Variants in CDKAL1 observed in about 807,000 individuals in gnomAD.
The protein encoded by CDKAL1 is threonylcarbamoyladenosine tRNA methylthiotransferase.
In CDKAL1, 32 loss-of-function variants were observed where a neutral mutation model predicts 68.2. That is an observed-to-expected ratio of 0.47 (90% confidence interval 0.35 to 0.63). The LOEUF (loss-of-function observed/expected upper bound fraction) is 0.63. CDKAL1 is among the 30% of genes least tolerant of loss of function. The probability of loss-of-function intolerance (pLI) is 0.00; values close to 1 mark genes in which losing one functional copy is unlikely to be tolerated. For synonymous variants in CDKAL1, 234 were observed against 244.3 expected, an observed-to-expected ratio of 0.96 and a Z score of 0.39; for missense variants, 606 against 696.7, an observed-to-expected ratio of 0.87 and a Z score of 1.47.
intron 8 of CDKAL1, among the ~76,000 whole-genome samples, chr6:20,830,469 GAT>G (rs10570889): frequency 0.23 from 34,767 of 151,914 alleles, 4,311 homozygotes; most frequent in African/African-American, 0.32. Flanking sequence ...GTTTCAGAAA[GAT>G]ATTTTTTAAT....
intron 11 of CDKAL1, among the ~76,000 whole-genome samples, chr6:21,032,229 T>C (rs1440755521): frequency 6.6e-6 from 1 of 152,130 alleles, no homozygotes; most frequent in East Asian, 1.9e-4. Context: ...TTTGTATTTG[T>C]ATTGAATGTT....
At chr6:20,580,915 G>A (rs975298476) in intron 4 of CDKAL1, among the ~76,000 whole-genome samples, 2 of 151,862 alleles carry the variant, frequency 1.3e-5, no homozygotes, top group African/African-American at 4.8e-5. Flanking sequence ...TCATCCTCCT[G>A]AGTAACTGGG....
intron 4 of CDKAL1, among the ~76,000 whole-genome samples, chr6:20,640,151 T>G (rs963669520): frequency 6.6e-6 from 1 of 151,390 alleles, no homozygotes; most frequent in African/African-American, 2.4e-5. Context: ...TTGACTTGTC[T>G]TCCAGAGTTC....
chr6:20,680,505 C>T (rs963067258), intron 5 of CDKAL1, among the ~76,000 whole-genome samples: 2 of 152,114 alleles, frequency 1.3e-5, no homozygotes, highest in Admixed American at 6.5e-5. Flanking sequence ...GACAATAAAG[C>T]GCTGTTAGCA....
chr6:20,706,276 G>C (rs941393321), intron 5 of CDKAL1, among the ~76,000 whole-genome samples: 4 of 152,156 alleles, frequency 2.6e-5, no homozygotes, highest in African/African-American at 9.7e-5. Context: ...GTTTGGGGCT[G>C]GATTTTGGCT....
At chr6:20,914,067 A>G (rs1052773697) in intron 9 of CDKAL1, among the ~76,000 whole-genome samples, 1 of 152,120 alleles carries the variant, frequency 6.6e-6, no homozygotes, top group Non-Finnish European at 1.5e-5. Context: ...AGGCAGGCAG[A>G]TCACGAGGCC....
At chr6:20,797,444 T>C (rs1459310499) in intron 8 of CDKAL1, among the ~76,000 whole-genome samples, 2 of 152,244 alleles carry the variant, frequency 1.3e-5, no homozygotes, top group African/African-American at 4.8e-5. Flanking sequence ...GCAGTTTCTC[T>C]AAAAAGTTAA....
chr6:20,544,595 CAA>C (rs747920604), intron 2 of CDKAL1, among the ~76,000 whole-genome samples: 864 of 56,714 alleles, frequency 0.015, 2 homozygotes, highest in Middle Eastern at 0.041. Flanking sequence ...AACTCCGTCT[CAA>C]AAAAAAAAAA....
intron 10 of CDKAL1, among the ~76,000 whole-genome samples, chr6:20,998,113 G>A (rs1361819507): frequency 6.6e-6 from 1 of 152,172 alleles, no homozygotes; most frequent in Non-Finnish European, 1.5e-5. Flanking sequence ...CAATAGATAT[G>A]TCTAAAGCTG....
At chr6:20,998,865 AC>A (rs1316632424) in intron 10 of CDKAL1, among the ~76,000 whole-genome samples, 2 of 152,176 alleles carry the variant, frequency 1.3e-5, no homozygotes, top group African/African-American at 4.8e-5. Flanking sequence ...ATTTTAAACA[AC>A]CGCTGCTAAG....
intron 15 of CDKAL1, among the ~76,000 whole-genome samples, chr6:21,217,153 A>G (rs1370278915): frequency 6.6e-6 from 1 of 152,086 alleles, no homozygotes; most frequent in Non-Finnish European, 1.5e-5. Flanking sequence ...TTTTTAAAAT[A>G]TATTTATTGG....
intron 9 of CDKAL1, among the ~76,000 whole-genome samples, chr6:20,868,040 A>T (rs1759998703): frequency 9.8e-6 from 1 of 101,918 alleles, no homozygotes; most frequent in South Asian, 3.6e-4. Context: ...CTTTTGAGCT[A>T]CGTGTTACTT....
At chr6:20,620,994 T>A (rs1254651697) in intron 4 of CDKAL1, among the ~76,000 whole-genome samples, 1 of 152,140 alleles carries the variant, frequency 6.6e-6, no homozygotes, top group African/African-American at 2.4e-5. Context: ...TACATTTACT[T>A]GTCATGTCTC....
rs189135417 is a variant in CDKAL1, at chr6:21,019,396, C to T, written c.1055+19024C>T. Among the ~76,000 whole-genome samples, 6 of 152,230 alleles carry T rather than the reference C, an allele frequency of 3.9e-5. No individual in the cohort carries two copies. In the East Asian group the frequency reaches 9.6e-4, roughly 24 times the overall value. ...CATTTCTACAGTTGCCCATTTGTTA[C>T]GACACTGCAAATGTATCACTTTTTT... On this transcript the variant is annotated intron_variant, in intron 11 of 15. Transcript: ENST00000274695.
At chr6:20,895,052 A>T (rs1295542303) in intron 9 of CDKAL1, among the ~76,000 whole-genome samples, 1 of 152,152 alleles carries the variant, frequency 6.6e-6, no homozygotes, top group Non-Finnish European at 1.5e-5. Flanking sequence ...GCTGCCGTGA[A>T]TCTGTTGTGT....
chr6:20,959,705 C>T (rs1764960333), intron 10 of CDKAL1, among the ~76,000 whole-genome samples: 1 of 152,124 alleles, frequency 6.6e-6, no homozygotes, highest in African/African-American at 2.4e-5. Context: ...CCTGTAGTGG[C>T]AAATAAGATG....
At chr6:21,135,721 G>A (rs940195052) in intron 13 of CDKAL1, 1 of 984,098 alleles carries the variant, frequency 1.0e-6, no homozygotes, top group African/African-American at 1.7e-5. Flanking sequence ...TGAAAGGGAA[G>A]GTATTCTAAA....
chr6:20,814,832 C>T (rs1163671967), intron 8 of CDKAL1, among the ~76,000 whole-genome samples: 1 of 152,176 alleles, frequency 6.6e-6, no homozygotes, highest in Non-Finnish European at 1.5e-5. Context: ...TTCTTTTAAG[C>T]TTGTTCATCT....
chr6:21,120,692 A>G (rs1250085317), intron 13 of CDKAL1, among the ~76,000 whole-genome samples: 1 of 152,236 alleles, frequency 6.6e-6, no homozygotes, highest in East Asian at 1.9e-4. Context: ...AAAAATTTAA[A>G]TATTATCATA....
Sources: allele counts gnomAD v4.1 joint callset (sites outside exome capture counted in the v4.1 genomes callset), GRCh38; gene constraint gnomAD v4.1.1; transcripts MANE v1.5; gene names NCBI Gene and HGNC (gene_info 2026-07-23, HGNC 2026-07-21).